ANK3: variants seen among roughly 807,000 people sequenced by gnomAD.
ANK3 encodes ankyrin 3.
A neutral mutation model predicts 370.9 loss-of-function variants in ANK3; 57 were observed. The ratio of observed to expected loss-of-function variants is 0.15; its 90% CI spans 0.12 to 0.19. The LOEUF (loss-of-function observed/expected upper bound fraction) is 0.19. Ranked by LOEUF, ANK3 falls within the 10% of genes least tolerant of loss-of-function variation. The pLI is 1.00. For synonymous variants in ANK3, 1,929 were observed against 1,946.3 expected, an observed-to-expected ratio of 0.99 and a Z score of 0.23; for missense variants, 4,439 against 5,302.1, an observed-to-expected ratio of 0.84 and a Z score of 5.06.
intron 7 of ANK3, among the ~76,000 whole-genome samples, chr10:60,248,991 A>G (rs921371353): frequency 2.6e-5 from 4 of 152,206 alleles, no homozygotes; most frequent in Admixed American, 1.3e-4. Flanking sequence ...AAAAATAGTT[A>G]ATGTCTAAAA....
chr10:60,555,755 A>G (rs1196336543), intron 2 of ANK3, among the ~76,000 whole-genome samples: 4 of 152,154 alleles, frequency 2.6e-5, no homozygotes, highest in Non-Finnish European at 2.9e-5. Context: ...AAGGTTGGGT[A>G]CCAGCAAAAA....
chr10:60,577,107 T>G (rs1200973395), intron 2 of ANK3, among the ~76,000 whole-genome samples: 1 of 152,244 alleles, frequency 6.6e-6, no homozygotes, highest in Non-Finnish European at 1.5e-5. Context: ...TACTTTGCAC[T>G]ACTTTGTGCA....
Position 60,172,932 on chromosome 10 carries a change from G to C in ANK3, c.2350C>G (p.Gln784Glu). Reference sequence around the variant, plus strand: ...AGTTCATTGGGGGAGGCGTTGTTCTGAAGTAAGACATTTATTATATGCGTA... The same window carrying C: ...AGTTCATTGGGGGAGGCGTTGTTCTCAAGTAAGACATTTATTATATGCGTA... ...GHTHIINVLL[Q>E]NNASPNELTV... The change falls in exon 20 of 44, where the codon CAG (glutamine) becomes GAG (glutamate). Residue 784 changes from glutamine to glutamate, a missense_variant. Physicochemically the swap from Gln to Glu is conservative, Grantham distance 29 (BLOSUM62 2). Around this residue, in one of 13 missense-constraint regions of ANK3, gnomAD observed 702 missense variants for 941.5 expected, o/e 0.75. Coordinates refer to ENST00000280772, the MANE Select transcript of ANK3 (RefSeq NM_020987.5). The C allele has an allele frequency of 6.2e-7, 1 of 1,613,960 alleles. No individual in the cohort carries two copies.
chr10:60,633,365 T>C (rs2078510480), intron 1 of ANK3, among the ~76,000 whole-genome samples: 1 of 152,196 alleles, frequency 6.6e-6, no homozygotes, highest in Non-Finnish European at 1.5e-5. Context: ...TTTTTAAGTG[T>C]TATCATATGG....
At chr10:60,239,903 A>G (rs2097399772) in intron 7 of ANK3, among the ~76,000 whole-genome samples, 1 of 151,884 alleles carries the variant, frequency 6.6e-6, no homozygotes, top group South Asian at 2.1e-4. Context: ...GAAAACATGG[A>G]TGTATTATTA....
intron 5 of ANK3, among the ~76,000 whole-genome samples, chr10:60,265,128 C>T (rs1367369456): frequency 1.3e-5 from 2 of 152,040 alleles, no homozygotes; most frequent in African/African-American, 2.4e-5. Flanking sequence ...ACTTTATTGT[C>T]TTAGCAATTT....
intron 41 of ANK3, among the ~76,000 whole-genome samples, chr10:60,057,907 A>T (rs2079535446): frequency 6.6e-6 from 1 of 152,192 alleles, no homozygotes; most frequent in Non-Finnish European, 1.5e-5. Flanking sequence ...TCATGCCTGC[A>T]ATTTTTCAAA....
chr10:60,426,322 G>T (rs193244920), intron 2 of ANK3, among the ~76,000 whole-genome samples: 1 of 152,142 alleles, frequency 6.6e-6, no homozygotes, highest in Non-Finnish European at 1.5e-5. Flanking sequence ...TGCTCCCAAA[G>T]CTGCCATGTC....
chr10:60,570,594 A>G (rs1411977625), intron 2 of ANK3, among the ~76,000 whole-genome samples: 1 of 152,198 alleles, frequency 6.6e-6, no homozygotes, highest in Non-Finnish European at 1.5e-5. Flanking sequence ...AAATGTGGGT[A>G]CAGGTTAGAC....
At chr10:60,395,527 C>T (rs1402828197) in intron 2 of ANK3, among the ~76,000 whole-genome samples, 7 of 150,608 alleles carry the variant, frequency 4.6e-5, no homozygotes, top group African/African-American at 1.5e-4. Flanking sequence ...AAGCAGAGAA[C>T]ACTTAGCAAT....
upstream of ANK3, among the ~76,000 whole-genome samples, chr10:60,394,836 C>A (rs2063183228): frequency 6.6e-6 from 1 of 152,012 alleles, no homozygotes; most frequent in Admixed American, 6.6e-5. Context: ...CAGATGACTT[C>A]GATGACAGTC....
In ANK3 at chr10:60,248,319, C is replaced by A. The variant is rs2132592650; in HGVS notation, c.799-13533G>T. ...ATGTACAAGAGTTCCCATATCTTCA[C>A]ATCCTTGCCAAGACCGGCTATTTTC... On this transcript the variant is annotated intron_variant, in intron 7 of 43. Coordinates refer to ENST00000280772, the MANE Select transcript of ANK3 (RefSeq NM_020987.5). 2.6e-5 allele frequency among the ~76,000 whole-genome samples: 4 copies of A among 152,320 alleles called. 1 individual carries two copies. The highest frequency in any genetic ancestry group is 2.6e-4 in the Admixed American group (4 of 15,304).
intron 1 of ANK3, among the ~76,000 whole-genome samples, chr10:60,318,048 TG>T (rs1239346571): frequency 6.6e-6 from 1 of 152,192 alleles, no homozygotes; most frequent in African/African-American, 2.4e-5. Context: ...CCATTTACTA[TG>T]CACAATTTAT....
At chr10:60,570,012 G>A (rs567645680) in intron 2 of ANK3, among the ~76,000 whole-genome samples, 2 of 151,918 alleles carry the variant, frequency 1.3e-5, no homozygotes, top group African/African-American at 2.4e-5. Flanking sequence ...GAATAAAAAG[G>A]TATATATATA....
At chr10:60,520,270 T>G (rs546210872) in intron 2 of ANK3, among the ~76,000 whole-genome samples, 1 of 152,116 alleles carries the variant, frequency 6.6e-6, no homozygotes, top group South Asian at 2.1e-4. Context: ...GAATAGACAC[T>G]GGGGACGAAG....
chr10:60,345,637 A>G (rs1036558282), intron 1 of ANK3, among the ~76,000 whole-genome samples: 106 of 152,278 alleles, frequency 7.0e-4, no homozygotes, highest in African/African-American at 2.5e-3. Flanking sequence ...AGACAATACT[A>G]AAGCTCCAGT....
intron 7 of ANK3, among the ~76,000 whole-genome samples, chr10:60,244,993 C>T (rs1003232177): frequency 1.3e-5 from 2 of 152,036 alleles, no homozygotes; most frequent in African/African-American, 4.8e-5. Flanking sequence ...CACGGTGAAA[C>T]CCCGTCTCTA....
chr10:60,218,271 G>T (rs759392811), intron 8 of ANK3, among the ~76,000 whole-genome samples: 2 of 151,676 alleles, frequency 1.3e-5, no homozygotes, highest in African/African-American at 4.8e-5. Flanking sequence ...GTGGCCTTTC[G>T]CCCATTTATA....
At chr10:60,204,875 T>C (rs913236655) in intron 11 of ANK3, among the ~76,000 whole-genome samples, 1 of 151,432 alleles carries the variant, frequency 6.6e-6, no homozygotes, top group Admixed American at 6.6e-5. Context: ...TGAGCGGGGG[T>C]TTCCTGAAGA....
Sources: gnomAD v4.1 joint callset for allele counts (sites outside exome capture counted in the v4.1 genomes callset) on GRCh38, gnomAD v4.1.1 for gene constraint, gnomAD v4.1.1 regional missense constraint, MANE v1.5 for transcripts, NCBI Gene and HGNC (gene_info 2026-07-23, HGNC 2026-07-21) for gene names.